The following PDGFRB variants were observed in gnomAD, a reference collection of about 807,000 sequenced individuals.
PDGFRB encodes platelet derived growth factor receptor beta.
Under a neutral mutation model 120.2 loss-of-function variants are expected in PDGFRB, and 42 were observed. The observed-to-expected ratio is 0.35, with a 90% CI of 0.27 to 0.45. PDGFRB has a LOEUF of 0.45. PDGFRB is among the 20% of genes least tolerant of loss of function. The probability of loss-of-function intolerance (pLI) is 1.00; values close to 1 mark genes in which losing one functional copy is unlikely to be tolerated. For missense variants in PDGFRB, 1,149 were observed against 1,476.3 expected (o/e 0.78, Z 3.63); for synonymous variants, 586 against 606.8 (o/e 0.97, Z 0.50).
At chr5:150,149,789 C>T (rs1420395962) in intron 1 of PDGFRB, among the ~76,000 whole-genome samples, 1 of 152,166 alleles carries the variant, frequency 6.6e-6, no homozygotes, top group Non-Finnish European at 1.5e-5. Flanking sequence ...CTGCCCCACC[C>T]TATAACCACT....
intron 1 of PDGFRB, among the ~76,000 whole-genome samples, chr5:150,146,778 T>C (rs1386011300): frequency 6.6e-6 from 1 of 152,178 alleles, no homozygotes; most frequent in Admixed American, 6.5e-5. Flanking sequence ...CCAGAAACAG[T>C]TCTGTCCATC....
chr5:150,151,944 A>C (rs539848052), intron 1 of PDGFRB, among the ~76,000 whole-genome samples: 1 of 145,884 alleles, frequency 6.9e-6, no homozygotes, highest in Non-Finnish European at 1.5e-5. Context: ...TTATTTATTT[A>C]TTTTTTTTGA....
Position 150,115,571 on chromosome 5 carries a change from C to G in PDGFRB, c.*192G>C. On this transcript the variant is annotated 3_prime_UTR_variant, in exon 23 of 23. Transcript: ENST00000261799. The stretch of plus-strand genomic sequence containing the variant: ...CCTGGAGGCAGAGGGCTGGTCACGG[C>G]CCCTGCAGTTTTCTTGCCTCCTAAG... The G allele has an allele frequency of 2.1e-6, 1 of 480,054 alleles. No homozygotes were observed. Among genetic ancestry groups the G allele is most frequent in the Non-Finnish European group, 3.6e-6 (1 of 281,562 alleles). The allele number at this position is 480,054 out of a possible 1,614,324, so 29.7% of individuals were successfully genotyped here. A position where few individuals can be genotyped will look rare whatever the true frequency, so the allele number is the denominator to read the frequency against.
At chr5:150,123,682 C>T (rs1465635338) in intron 14 of PDGFRB, among the ~76,000 whole-genome samples, 2 of 152,136 alleles carry the variant, frequency 1.3e-5, no homozygotes, top group East Asian at 1.9e-4. Context: ...TTGAAATGAG[C>T]GATCATTGCA....
intron 1 of PDGFRB, among the ~76,000 whole-genome samples, chr5:150,140,969 C>T (rs562888217): frequency 3.9e-5 from 6 of 152,260 alleles, no homozygotes; most frequent in Admixed American, 6.5e-5. Flanking sequence ...GAGGCTCCCA[C>T]GACACAGGCA....
At chr5:150,123,579 T>G (rs935541745) in intron 14 of PDGFRB, among the ~76,000 whole-genome samples, 3 of 152,250 alleles carry the variant, frequency 2.0e-5, no homozygotes, top group Admixed American at 6.5e-5. Flanking sequence ...GGCCACTGTT[T>G]ACAACGATCA....
chr5:150,126,699 G>A (rs549797743), intron 10 of PDGFRB, 85 bp from the exon 11 acceptor site: 14 of 765,174 alleles, frequency 1.8e-5, no homozygotes, highest in East Asian at 5.0e-5. Context: ...AGATCCCTCC[G>A]TACACATCCT....
rs1562009504 is a variant in PDGFRB, at chr5:150,133,893, G to A, written c.747C>T (p.Tyr249=). Residue 249 remains tyrosine (Y), a synonymous_variant, in exon 5 of 23, where the codon TAC becomes TAT. Transcript: ENST00000261799. ...GNEVVNFEWT[Y]PRKESGRLVE... ...GGCCCCACATTACTTCTTTGCGGGGGTATGTCCACTCGAAGTTGACCACCT... is the reference window on the plus strand; with the variant it reads ...GGCCCCACATTACTTCTTTGCGGGGATATGTCCACTCGAAGTTGACCACCT... The A allele has an allele frequency of 6.2e-7, 1 of 1,614,120 alleles. No homozygotes were observed. Among genetic ancestry groups the A allele is most frequent in the Non-Finnish European group, 8.5e-7 (1 of 1,179,984 alleles).
intron 1 of PDGFRB, among the ~76,000 whole-genome samples, chr5:150,143,394 T>A (rs1760833965): frequency 6.6e-6 from 1 of 152,090 alleles, no homozygotes; most frequent in African/African-American, 2.4e-5. Context: ...TGACATGCTG[T>A]GGCCCTCAGG....
rs1430425733 is a variant in PDGFRB at position 150,121,038 on chromosome 5, C to G, written c.2464-28G>C. 8 of 1,612,630 alleles carry G rather than the reference C, an allele frequency of 5.0e-6. No individual in the cohort carries two copies. The Admixed American group carries it at 1.3e-4, about 27-fold the overall frequency. On this transcript the variant is annotated intron_variant, in intron 17 of 22. Coordinates refer to ENST00000261799, the MANE Select transcript of PDGFRB (RefSeq NM_002609.4). This position sits in a 1 kb window ranked among gnomAD's most constrained non-coding sequence, Gnocchi z 4.1. ...GGGTTTGGGGAGAGGGGAGCTGAGG[C>G]CTTGGGGACAATTGTGGGGAAAGAC...
At chr5:150,143,557 T>C (rs1431034892) in intron 1 of PDGFRB, among the ~76,000 whole-genome samples, 4 of 152,064 alleles carry the variant, frequency 2.6e-5, no homozygotes, top group East Asian at 1.9e-4. Flanking sequence ...GAGCCAGGGA[T>C]GAAGTCCTCC....
chr5:150,138,069 C>T (rs1018445863), intron 1 of PDGFRB, among the ~76,000 whole-genome samples: 2 of 152,124 alleles, frequency 1.3e-5, no homozygotes, highest in Non-Finnish European at 2.9e-5. Context: ...GTGGCCCTTG[C>T]TCTCCTCTAT....
At chr5:150,153,251 G>A (rs1254698767) in intron 1 of PDGFRB, among the ~76,000 whole-genome samples, 2 of 152,246 alleles carry the variant, frequency 1.3e-5, no homozygotes, top group Non-Finnish European at 2.9e-5. Context: ...GATAACTGCT[G>A]TCTGGGAGGA....
chr5:150,151,488 G>T (rs1208779618), intron 1 of PDGFRB, among the ~76,000 whole-genome samples: 1 of 152,198 alleles, frequency 6.6e-6, no homozygotes, highest in African/African-American at 2.4e-5. Context: ...AAACACCCAG[G>T]TGCAAATCCC....
intron 15 of PDGFRB, among the ~76,000 whole-genome samples, 158 bp downstream of exon 15, chr5:150,122,884 T>A (rs1760182311): frequency 6.6e-6 from 1 of 152,224 alleles, no homozygotes; most frequent in Admixed American, 6.5e-5. Context: ...TATTCCCTCA[T>A]CTGGGGTGGA....
At chr5:150,141,007 CG>C (rs1406381324) in intron 1 of PDGFRB, among the ~76,000 whole-genome samples, 2 of 152,194 alleles carry the variant, frequency 1.3e-5, no homozygotes, top group Non-Finnish European at 2.9e-5. Flanking sequence ...TGCATTGCTG[CG>C]GGGGTTGATG....
At chr5:150,125,795 T>C (rs979237532) in intron 11 of PDGFRB, among the ~76,000 whole-genome samples, 2 of 152,148 alleles carry the variant, frequency 1.3e-5, no homozygotes, top group African/African-American at 4.8e-5. Context: ...CTTCAGGACT[T>C]GGCAGACTGA....
In PDGFRB at chr5:150,122,039, G is replaced by A. The variant is rs867787042; in HGVS notation, c.2185C>T (p.His729Tyr). Residue 729 changes from histidine to tyrosine, a missense_variant and splice_region_variant, in exon 16 of 23, where the codon CAT (histidine) becomes TAT (tyrosine). By Grantham distance (83) the His-to-Tyr change is moderately conservative (BLOSUM62 2). Coordinates refer to ENST00000261799, the MANE Select transcript of PDGFRB (RefSeq NM_002609.4). ...TCGCTCTCCCCGGTCAAGGACACAT[G>A]GCTGGGGGTAAAGGAGCATCACAGG... ...ALPVGLPLPS[H>Y]VSLTGESDGG... 1 of 1,612,912 alleles carries A rather than the reference G, an allele frequency of 6.2e-7. No individual in the cohort carries two copies.
intron 1 of PDGFRB, among the ~76,000 whole-genome samples, chr5:150,139,756 C>A (rs1038252081): frequency 2.0e-5 from 3 of 151,966 alleles, no homozygotes; most frequent in Non-Finnish European, 2.9e-5. Flanking sequence ...CCGAGCCAGG[C>A]GGATCACGAG....
Sources: gnomAD v4.1 joint callset for allele counts (sites outside exome capture counted in the v4.1 genomes callset) on GRCh38, gnomAD v4.1.1 for gene constraint, Gnocchi (gnomAD v3.1) non-coding constraint, MANE v1.5 for transcripts, NCBI Gene and HGNC (gene_info 2026-07-23, HGNC 2026-07-21) for gene names.